The following RBFOX1 variants were observed in gnomAD, a reference collection of about 807,000 sequenced individuals.
RBFOX1 encodes RNA binding protein fox-1 homolog 1.
A neutral mutation model predicts 57.7 loss-of-function variants in RBFOX1; 8 were observed. The ratio of observed to expected loss-of-function variants is 0.14; its 90% CI spans 0.08 to 0.25. The LOEUF (loss-of-function observed/expected upper bound fraction) is 0.25, where lower values mean the gene tolerates loss of function less well. Among genes scored for constraint, RBFOX1 ranks in the 10% least tolerant of loss-of-function variants. The pLI, the probability that RBFOX1 is intolerant of heterozygous loss-of-function variation, is 1.00. For missense variants in RBFOX1, 611 were observed against 548.5 expected, an observed-to-expected ratio of 1.11 and a Z score of -1.14; for synonymous variants, 326 against 222.4, an observed-to-expected ratio of 1.47 and a Z score of -4.15.
chr16:5,502,765 C>T (rs1439459294), intron 2 of RBFOX1, among the ~76,000 whole-genome samples: 2 of 152,120 alleles, frequency 1.3e-5, no homozygotes, highest in Admixed American at 1.3e-4. Flanking sequence ...CAGAGCCTGC[C>T]CCCGAAGGCT....
intron 3 of RBFOX1, among the ~76,000 whole-genome samples, chr16:6,761,156 A>T (rs1056009993): frequency 3.9e-5 from 6 of 152,182 alleles, no homozygotes; most frequent in African/African-American, 1.2e-4. Flanking sequence ...ACTTTGATCA[A>T]ATTGTAAATG....
intron 4 of RBFOX1, among the ~76,000 whole-genome samples, chr16:7,395,773 A>C (rs2098129871): frequency 6.6e-6 from 1 of 152,212 alleles, no homozygotes; most frequent in South Asian, 2.1e-4. Flanking sequence ...ATAAGTTATG[A>C]ATTTTGGCGT....
intron 2 of RBFOX1, among the ~76,000 whole-genome samples, chr16:5,568,801 C>G (rs575664120): frequency 6.6e-6 from 1 of 152,218 alleles, no homozygotes; most frequent in African/African-American, 2.4e-5. Flanking sequence ...CTCCTCCCAC[C>G]AAATGACTCA....
chr16:6,158,306 A>C (rs2096853033), intron 1 of RBFOX1, among the ~76,000 whole-genome samples: 1 of 152,208 alleles, frequency 6.6e-6, no homozygotes, highest in African/African-American at 2.4e-5. Flanking sequence ...ATGCACCTAC[A>C]GCAATCAGAT....
chr16:6,899,139 GTA>G (rs2067795924), intron 3 of RBFOX1, among the ~76,000 whole-genome samples: 1 of 149,102 alleles, frequency 6.7e-6, no homozygotes, highest in Admixed American at 7.3e-5. Flanking sequence ...GTATATGTGT[GTA>G]TGGACACACG....
intron 3 of RBFOX1, among the ~76,000 whole-genome samples, chr16:5,752,441 G>A (rs981777814): frequency 1.3e-5 from 2 of 152,150 alleles, no homozygotes; most frequent in South Asian, 2.1e-4. Context: ...GAGACATTTT[G>A]CTCCAAACAT....
At chr16:6,300,452 A>G (rs1222090307) in intron 1 of RBFOX1, among the ~76,000 whole-genome samples, 1 of 152,192 alleles carries the variant, frequency 6.6e-6, no homozygotes, top group Non-Finnish European at 1.5e-5. Flanking sequence ...TTGTCAACTT[A>G]AAGAATAAAA....
intron 2 of RBFOX1, among the ~76,000 whole-genome samples, chr16:6,413,639 T>C (rs2093536530): frequency 6.6e-6 from 1 of 152,186 alleles, no homozygotes; most frequent in Non-Finnish European, 1.5e-5. Flanking sequence ...GTGAAAAGAT[T>C]CTAAATAAAG....
intron 4 of RBFOX1, among the ~76,000 whole-genome samples, chr16:5,912,651 A>T (rs1195993947): frequency 6.6e-6 from 1 of 152,118 alleles, no homozygotes; most frequent in Non-Finnish European, 1.5e-5. Context: ...ATTATTTCCT[A>T]TTTGCTTGCT....
chr16:6,245,150 A>C (rs377676710), intron 1 of RBFOX1, among the ~76,000 whole-genome samples: 1 of 152,216 alleles, frequency 6.6e-6, no homozygotes, highest in African/African-American at 2.4e-5. Flanking sequence ...TGAACTCACA[A>C]ATAAATGCGT....
chr16:7,560,532 CAAA>C (rs35756861), intron 5 of RBFOX1, among the ~76,000 whole-genome samples: 1 of 135,898 alleles, frequency 7.4e-6, no homozygotes, highest in Admixed American at 7.3e-5. Context: ...TGTAGAGTAT[CAAA>C]AAAAAAAAAA....
At chr16:5,553,144 C>T (rs1157287854) in intron 2 of RBFOX1, among the ~76,000 whole-genome samples, 1 of 151,986 alleles carries the variant, frequency 6.6e-6, no homozygotes, top group East Asian at 1.9e-4. Flanking sequence ...GGGTGACGGG[C>T]TGGGGGAGAG....
rs571068396 is a variant in RBFOX1 at position 7,709,096 on chromosome 16, C to T, written c.1036C>T (p.Leu346Phe). Residue 346 changes from leucine (L) to phenylalanine (F), a missense_variant, in exon 15 of 16, where the codon CTT (leucine) becomes TTT (phenylalanine). Leu to Phe is a conservative substitution (Grantham distance 22). Coordinates refer to ENST00000550418, the MANE Select transcript of RBFOX1 (RefSeq NM_018723.4). ...VYAADPYHHALAPAPTYGVGA... is the reference protein window; with the variant it reads ...VYAADPYHHAFAPAPTYGVGA... ...TGCTGCCGACCCCTACCACCACGCA[C>T]TTGCTCCAGCCCCCACCTACGGCGT... 5 of 1,613,578 alleles carry T rather than the reference C, an allele frequency of 3.1e-6. No individual in the cohort carries two copies. In the South Asian group the frequency reaches 5.5e-5, roughly 18 times the overall value.
chr16:6,947,744 T>G (rs189606448), intron 3 of RBFOX1, among the ~76,000 whole-genome samples: 195 of 152,290 alleles, frequency 1.3e-3, no homozygotes, highest in African/African-American at 4.5e-3. Context: ...GTGGCTTTCT[T>G]TTTTAGCTAT....
chr16:6,983,116 A>G (rs1486015751), intron 3 of RBFOX1, among the ~76,000 whole-genome samples: 1 of 151,856 alleles, frequency 6.6e-6, no homozygotes, highest in Non-Finnish European at 1.5e-5. Flanking sequence ...AGTTTTCCAG[A>G]TACCAAAACT....
chr16:5,939,676 C>G (rs920959629), intron 4 of RBFOX1, among the ~76,000 whole-genome samples: 1 of 152,024 alleles, frequency 6.6e-6, no homozygotes, highest in Non-Finnish European at 1.5e-5. Context: ...AGCCTTGACT[C>G]AAGGGAGGTG....
At chr16:6,968,175 G>T (rs2084715901) in intron 3 of RBFOX1, among the ~76,000 whole-genome samples, 1 of 152,110 alleles carries the variant, frequency 6.6e-6, no homozygotes, top group South Asian at 2.1e-4. Context: ...CCCTCTCCGT[G>T]GGTGTCCTTT....
At chr16:6,579,437 C>T (rs1403824248) in intron 2 of RBFOX1, among the ~76,000 whole-genome samples, 3 of 152,066 alleles carry the variant, frequency 2.0e-5, no homozygotes, top group Non-Finnish European at 4.4e-5. Flanking sequence ...CCCCATGTGT[C>T]ATGGGAGGGA....
intron 2 of RBFOX1, among the ~76,000 whole-genome samples, chr16:5,518,312 T>C (rs530971425): frequency 6.6e-6 from 1 of 152,064 alleles, no homozygotes; most frequent in African/African-American, 2.4e-5. Flanking sequence ...GTTTGCCACA[T>C]GAAAGCCCCA....
Sources: allele counts gnomAD v4.1 joint callset (sites outside exome capture counted in the v4.1 genomes callset), GRCh38; gene constraint gnomAD v4.1.1; transcripts MANE v1.5; gene names NCBI Gene and HGNC (gene_info 2026-07-23, HGNC 2026-07-21).